The following CACNA1C variants were observed in gnomAD, a reference collection of about 807,000 sequenced individuals.
CACNA1C encodes the protein voltage-dependent L-type calcium channel subunit alpha-1C.
Under a neutral mutation model 229.0 loss-of-function variants are expected in CACNA1C, and 30 were observed. That is an observed-to-expected ratio of 0.13 (90% CI 0.10 to 0.18). CACNA1C has a LOEUF of 0.18. CACNA1C is among the 10% of genes least tolerant of loss of function. The probability of loss-of-function intolerance (pLI) is 1.00; values close to 1 mark genes in which losing one functional copy is unlikely to be tolerated. For missense variants in CACNA1C, 1,658 were observed against 2,845.0 expected, an observed-to-expected ratio of 0.58 and a Z score of 9.49; for synonymous variants, 1,114 against 1,132.5, an observed-to-expected ratio of 0.98 and a Z score of 0.33.
chr12:2,052,496 G>T (rs939493793), upstream of CACNA1C, among the ~76,000 whole-genome samples: 3 of 151,784 alleles, frequency 2.0e-5, no homozygotes, highest in Non-Finnish European at 4.4e-5. Context: ...CCTTCCCGGC[G>T]TGGCCGGCCC....
intron 1 of CACNA1C, among the ~76,000 whole-genome samples, chr12:1,983,014 A>G (rs1467923139): frequency 2.0e-5 from 3 of 152,020 alleles, no homozygotes; most frequent in Non-Finnish European, 4.4e-5. Flanking sequence ...TGTATTTCTC[A>G]GTGAATTAGT....
intron 1 of CACNA1C, among the ~76,000 whole-genome samples, chr12:1,982,994 T>G (rs1284029440): frequency 6.6e-6 from 1 of 152,084 alleles, no homozygotes; most frequent in Non-Finnish European, 1.5e-5. Flanking sequence ...TTGAGTTAAT[T>G]CTGATGATTT....
intron 1 of CACNA1C, among the ~76,000 whole-genome samples, chr12:2,081,676 C>G (rs1180065854): frequency 6.6e-6 from 1 of 151,930 alleles, no homozygotes; most frequent in Non-Finnish European, 1.5e-5. Flanking sequence ...AATAAAGAAG[C>G]ATTAATTTTT....
At chr12:2,558,050 G>C (rs537167260) in intron 11 of CACNA1C, among the ~76,000 whole-genome samples, 1 of 152,316 alleles carries the variant, frequency 6.6e-6, no homozygotes, top group East Asian at 1.9e-4. Context: ...CAGGAGCATA[G>C]AGAAATTTTT....
At chr12:2,615,515 A>G (rs867340001) in intron 29 of CACNA1C, among the ~76,000 whole-genome samples, 1 of 152,220 alleles carries the variant, frequency 6.6e-6, no homozygotes, top group African/African-American at 2.4e-5. Context: ...TTTCTCCTCA[A>G]ACTGATCCAT....
intron 3 of CACNA1C, among the ~76,000 whole-genome samples, chr12:2,164,857 C>A (rs915112344): frequency 6.6e-6 from 1 of 152,166 alleles, no homozygotes; most frequent in African/African-American, 2.4e-5. Context: ...GGCGCACACA[C>A]AGTGTCAGAG....
chr12:2,240,878 G>A (rs2154373556), intron 3 of CACNA1C, among the ~76,000 whole-genome samples: 1 of 152,140 alleles, frequency 6.6e-6, no homozygotes, highest in South Asian at 2.1e-4. Flanking sequence ...TGAATTTCCA[G>A]GGTGAGAGTC....
chr12:2,233,470 C>G (rs7305301), intron 3 of CACNA1C, among the ~76,000 whole-genome samples: 13,021 of 152,152 alleles, frequency 0.086, 910 homozygotes, highest in East Asian at 0.3. Context: ...AGACATTACT[C>G]CTTTTCTTGG....
At chr12:2,336,651 T>G (rs1468492979) in intron 3 of CACNA1C, among the ~76,000 whole-genome samples, 1 of 152,170 alleles carries the variant, frequency 6.6e-6, no homozygotes, top group Non-Finnish European at 1.5e-5. Flanking sequence ...GAAGGCTCTT[T>G]GCCTGTCCCC....
intron 1 of CACNA1C, chr12:2,004,687 T>G: frequency 2.0e-6 from 1 of 510,332 alleles, no homozygotes. Context: ...CCCGTTTCTT[T>G]CTCCAAGAGC....
In CACNA1C at chr12:2,287,428, G is replaced by C. The variant is rs182700052; in HGVS notation, c.478-161548G>C. On this transcript the variant is annotated intron_variant, in intron 3 of 46. Transcript: ENST00000399655. The surrounding 1 kb of genome is among the most constrained non-coding windows in gnomAD (Gnocchi z 4.6). Reference sequence around the variant, plus strand: ...ATGAACGTGGCTGCTCGTGTGTTCCGTGGCTGTTTAGGAAGGTTGGGTCAG... The same window carrying C: ...ATGAACGTGGCTGCTCGTGTGTTCCCTGGCTGTTTAGGAAGGTTGGGTCAG... Among the ~76,000 whole-genome samples, 2 of 152,190 alleles carry C rather than the reference G, an allele frequency of 1.3e-5. No individual in the cohort carries two copies. The highest frequency in any genetic ancestry group is 2.9e-5 in the Non-Finnish European group (2 of 68,042).
At chr12:1,998,087 T>C in intron 1 of CACNA1C, 1 of 810,372 alleles carries the variant, frequency 1.2e-6, no homozygotes, top group Non-Finnish European at 1.9e-6. Context: ...GGGCCAAATA[T>C]ACCCAACATG....
chr12:2,652,045 C>G (rs548040672), intron 32 of CACNA1C, among the ~76,000 whole-genome samples: 2 of 152,136 alleles, frequency 1.3e-5, no homozygotes, highest in African/African-American at 4.8e-5. Flanking sequence ...TTTTAACCAT[C>G]GTTTATGTCT....
At chr12:2,657,599 G>A (rs2095488780) in intron 34 of CACNA1C, among the ~76,000 whole-genome samples, 1 of 152,056 alleles carries the variant, frequency 6.6e-6, no homozygotes, top group Non-Finnish European at 1.5e-5. Flanking sequence ...ATGGAAATTA[G>A]AATAATAAAA....
chr12:2,061,130 C>CT (rs34246535), intron 1 of CACNA1C, among the ~76,000 whole-genome samples: 26,217 of 146,790 alleles, frequency 0.18, 2,919 homozygotes, highest in African/African-American at 0.32. Flanking sequence ...AATCAAATCC[C>CT]TTTTTTTTTT....
At position 2,319,565 on chromosome 12, in the gene CACNA1C, C is replaced by T. The variant is rs1016420508; in HGVS notation, c.478-129411C>T. On this transcript the variant is annotated intron_variant, in intron 3 of 46. Transcript: ENST00000399655. The surrounding 1 kb of genome is among the most constrained non-coding windows in gnomAD (Gnocchi z 4.0). ...CAGGGTCTCCACTCAGGGGCATTGC[C>T]GGGTGAGCCTGAGATAAGGGTGTAG... Among the ~76,000 whole-genome samples the T allele has an allele frequency of 5.3e-5, 8 of 152,124 alleles. No individual in the cohort carries two copies. The highest frequency in any genetic ancestry group is 9.7e-5 in the African/African-American group (4 of 41,414).
chr12:2,431,201 C>A (rs1280651931), intron 3 of CACNA1C, among the ~76,000 whole-genome samples: 2 of 152,174 alleles, frequency 1.3e-5, no homozygotes, highest in African/African-American at 4.8e-5. Context: ...GATCTTCTGA[C>A]CTAGCAGGTC....
intron 5 of CACNA1C, among the ~76,000 whole-genome samples, chr12:2,480,147 A>C (rs1232083066): frequency 2.0e-5 from 3 of 152,214 alleles, no homozygotes; most frequent in African/African-American, 7.2e-5. Flanking sequence ...TGGTTCCTCA[A>C]ACCTCTTTCC....
chr12:2,419,128 G>A (rs189036539), intron 3 of CACNA1C, among the ~76,000 whole-genome samples: 2 of 152,316 alleles, frequency 1.3e-5, no homozygotes, highest in Non-Finnish European at 2.9e-5. Flanking sequence ...GGCCATTGTT[G>A]CGTTGCTGTA....
Sources: gnomAD v4.1 joint callset for allele counts (sites outside exome capture counted in the v4.1 genomes callset) on GRCh38, gnomAD v4.1.1 for gene constraint, Gnocchi (gnomAD v3.1) non-coding constraint, MANE v1.5 for transcripts, NCBI Gene and HGNC (gene_info 2026-07-23, HGNC 2026-07-21) for gene names.